STK38L: variants seen among roughly 807,000 people sequenced by gnomAD.
The protein encoded by STK38L is serine/threonine kinase 38 like, also known as serine/threonine-protein kinase 38-like.
STK38L carries 28 observed loss-of-function variants against 59.7 expected under a neutral mutation model. The observed-to-expected ratio is 0.47, with a 90% CI of 0.35 to 0.64. The LOEUF (loss-of-function observed/expected upper bound fraction) is 0.64. Among genes scored for constraint, STK38L ranks in the 30% least tolerant of loss-of-function variants. The probability of loss-of-function intolerance (pLI) is 0.01; values close to 1 mark genes in which losing one functional copy is unlikely to be tolerated. For missense variants in STK38L, 314 were observed against 555.8 expected, an observed-to-expected ratio of 0.56 and a Z score of 4.37; for synonymous variants, 162 against 176.8, an observed-to-expected ratio of 0.92 and a Z score of 0.66.
chr12:27,318,382 TTCC>T (rs1304169548), intron 11 of STK38L, among the ~76,000 whole-genome samples: 1 of 152,226 alleles, frequency 6.6e-6, no homozygotes, highest in East Asian at 1.9e-4. Context: ...ATTCCATGTG[TTCC>T]TCAACTAATA....
chr12:27,282,844 G>A (rs541616092), intron 1 of STK38L, among the ~76,000 whole-genome samples: 22 of 152,280 alleles, frequency 1.4e-4, no homozygotes, highest in Middle Eastern at 3.4e-3. Context: ...AAACTATGGC[G>A]CTTAACAGAA....
chr12:27,244,546 G>A (rs1181656387), intron 1 of STK38L, among the ~76,000 whole-genome samples: 1 of 152,166 alleles, frequency 6.6e-6, no homozygotes, highest in Non-Finnish European at 1.5e-5. Context: ...GTCCAGAGAG[G>A]GAGCCTCGCA....
At chr12:27,297,636 C>T in intron 1 of STK38L, 74 bp from the exon 2 acceptor site, 1 of 1,462,222 alleles carries the variant, frequency 6.8e-7, no homozygotes, top group South Asian at 1.4e-5. Flanking sequence ...TGAAATTGAA[C>T]ATTTTCAGAG....
At chr12:27,312,760 A>G in intron 6 of STK38L, 88 bp downstream of exon 6, 1 of 1,508,292 alleles carries the variant, frequency 6.6e-7, no homozygotes, top group Non-Finnish European at 9.0e-7. Context: ...TTACTTTTAT[A>G]TTCTTTGCTC....
In STK38L at chr12:27,318,157, A is replaced by G. The variant is rs939017851; in HGVS notation, c.1079+138A>G. On this transcript the variant is annotated intron_variant, in intron 11 of 13. Coordinates refer to ENST00000389032, the MANE Select transcript of STK38L (RefSeq NM_015000.4). Reference sequence around the variant, plus strand: ...AAAGAGATCAATAAAGGTGTTTTTAAAAATGTAAACTCTTAAAAGGAAGTA... The same window carrying G: ...AAAGAGATCAATAAAGGTGTTTTTAGAAATGTAAACTCTTAAAAGGAAGTA... The G allele has an allele frequency of 4.2e-5, 47 of 1,117,346 alleles. No individual in the cohort carries two copies. The African/African-American group carries it at 6.6e-4, about 16-fold the overall frequency. The allele number at this position is 1,117,346 out of a possible 1,614,324, so 69.2% of individuals were successfully genotyped here. A position where few individuals can be genotyped will look rare whatever the true frequency, so the allele number is the denominator to read the frequency against.
At position 27,324,646 on chromosome 12, in the gene STK38L, A is replaced by G. The variant is rs1944800712; in HGVS notation, c.*2191A>G. On this transcript the variant is annotated 3_prime_UTR_variant, in exon 14 of 14. Coordinates refer to ENST00000389032, the MANE Select transcript of STK38L (RefSeq NM_015000.4). ...TGGCACTGGAAGGGTAGTTCTGGAA[A>G]GCTACTTTGTTGAGAGTCTCATTCT... 1 of 152,084 alleles carries G rather than the reference A, an allele frequency of 6.6e-6. No homozygotes were observed. Among genetic ancestry groups the G allele is most frequent in the African/African-American group, 2.4e-5 (1 of 41,450 alleles). The allele number at this position is 152,084 out of a possible 1,614,324, so 9.4% of individuals were successfully genotyped here. A position where few individuals can be genotyped will look rare whatever the true frequency, so the allele number is the denominator to read the frequency against.
intron 1 of STK38L, among the ~76,000 whole-genome samples, chr12:27,252,382 A>G (rs1481065327): frequency 4.6e-5 from 7 of 152,098 alleles, no homozygotes; most frequent in Admixed American, 4.6e-4. Context: ...GAGCTCAGAC[A>G]GCTTATTCAA....
chr12:27,300,578 C>T (rs560311584), intron 2 of STK38L: 28 of 456,052 alleles, frequency 6.1e-5, no homozygotes, highest in Non-Finnish European at 1.1e-4. Context: ...AATCATTCAA[C>T]AAGCAGCACT....
At chr12:27,257,284 T>C (rs752404712) in intron 1 of STK38L, among the ~76,000 whole-genome samples, 1 of 152,168 alleles carries the variant, frequency 6.6e-6, no homozygotes, top group Non-Finnish European at 1.5e-5. Context: ...GATAACCTGA[T>C]GGAGAGTCTT....
chr12:27,311,520 A>T (rs1385313990), intron 5 of STK38L, among the ~76,000 whole-genome samples: 2 of 152,218 alleles, frequency 1.3e-5, no homozygotes, highest in East Asian at 3.9e-4. Context: ...GAAAAAGTGT[A>T]TAAATATATT....
chr12:27,290,363 G>A (rs1943870444), intron 1 of STK38L, among the ~76,000 whole-genome samples: 1 of 152,164 alleles, frequency 6.6e-6, no homozygotes, highest in South Asian at 2.1e-4. Flanking sequence ...CACCATCAAA[G>A]CGTCATATCA....
intron 5 of STK38L, among the ~76,000 whole-genome samples, chr12:27,309,402 C>T (rs1306760239): frequency 6.6e-6 from 1 of 152,192 alleles, no homozygotes; most frequent in Non-Finnish European, 1.5e-5. Context: ...ACTTCCATAA[C>T]AGAACACAAC....
chr12:27,297,927 T>C (rs1439487883), intron 2 of STK38L, 73 bp downstream of exon 2: 38 of 1,548,650 alleles, frequency 2.5e-5, no homozygotes, highest in Non-Finnish European at 3.3e-5. Context: ...AGAAACTTGT[T>C]TACCATGAAT....
intron 1 of STK38L, among the ~76,000 whole-genome samples, chr12:27,262,310 T>G (rs561876825): frequency 1.8e-4 from 28 of 152,318 alleles, no homozygotes; most frequent in African/African-American, 6.7e-4. Context: ...AAATTTCAAC[T>G]TTTAAAAATA....
At chr12:27,318,197 T>A (rs764553162) in intron 11 of STK38L, among the ~76,000 whole-genome samples, 178 bp downstream of exon 11, 1 of 152,166 alleles carries the variant, frequency 6.6e-6, no homozygotes, top group African/African-American at 2.4e-5. Context: ...GAAAAAAACG[T>A]AGGAATTAAA....
At chr12:27,319,446 G>GGAAA in intron 12 of STK38L, 23 bp downstream of exon 12, 3 of 1,570,920 alleles carry the variant, frequency 1.9e-6, no homozygotes, top group Non-Finnish European at 2.6e-6. Context: ...GCTTTGAATG[G>GGAAA]GAAAGGTCTG....
At chr12:27,250,827 C>A (rs61915864) in intron 1 of STK38L, among the ~76,000 whole-genome samples, 2 of 151,646 alleles carry the variant, frequency 1.3e-5, no homozygotes, top group South Asian at 4.2e-4. Context: ...GGCCAAACCT[C>A]GTCTCTACTA....
chr12:27,324,203 T>A lies in STK38L; in HGVS notation c.*1748T>A, dbSNP rs1944791861. The A allele has an allele frequency of 6.6e-6, 1 of 151,104 alleles. No homozygotes were observed. Among genetic ancestry groups the A allele is most frequent in the African/African-American group, 2.4e-5 (1 of 41,016 alleles). 9.4% of individuals were successfully genotyped at this position (151,104 alleles called of 1,614,324 possible). ...TTTATCTAACAGTTCACTTCCATTT[T>A]TCTAGTCTGGATTTTTTGAGTATTT... On this transcript the variant is annotated 3_prime_UTR_variant, in exon 14 of 14. Transcript: ENST00000389032.
chr12:27,254,525 A>C (rs1012166008), intron 1 of STK38L, among the ~76,000 whole-genome samples: 2 of 152,186 alleles, frequency 1.3e-5, no homozygotes, highest in African/African-American at 4.8e-5. Context: ...TCTTTTTTAC[A>C]TAGATTTACT....
Sources: allele counts gnomAD v4.1 joint callset (sites outside exome capture counted in the v4.1 genomes callset), GRCh38; gene constraint gnomAD v4.1.1; transcripts MANE v1.5; gene names NCBI Gene and HGNC (gene_info 2026-07-23, HGNC 2026-07-21).